The following SH3BP4 variants were observed in gnomAD, a reference collection of about 807,000 sequenced individuals.
SH3BP4 encodes the protein SH3 domain binding protein 4.
In SH3BP4, 33 loss-of-function variants were observed where a neutral mutation model predicts 65.5. The ratio of observed to expected loss-of-function variants is 0.50; its 90% CI spans 0.38 to 0.67. The LOEUF (loss-of-function observed/expected upper bound fraction) is 0.67, where lower values mean the gene tolerates loss of function less well. Among genes scored for constraint, SH3BP4 ranks in the 30% least tolerant of loss-of-function variants. The probability of loss-of-function intolerance (pLI) is 0.00; values close to 1 mark genes in which losing one functional copy is unlikely to be tolerated. For synonymous variants in SH3BP4, 552 were observed against 545.5 expected, an observed-to-expected ratio of 1.01 and a Z score of -0.17; for missense variants, 1,134 against 1,261.4, an observed-to-expected ratio of 0.90 and a Z score of 1.53.
At chr2:234,968,371 G>T (rs1215359923) in intron 1 of SH3BP4, among the ~76,000 whole-genome samples, 1 of 144,020 alleles carries the variant, frequency 6.9e-6, no homozygotes, top group Non-Finnish European at 1.5e-5. Flanking sequence ...ACTCAACAGA[G>T]TTGTTCTTTT....
intron 1 of SH3BP4, among the ~76,000 whole-genome samples, chr2:234,968,264 T>A (rs906907689): frequency 6.6e-6 from 1 of 152,024 alleles, no homozygotes; most frequent in Non-Finnish European, 1.5e-5. Context: ...TGTGTTTCCA[T>A]GAGGGGTTGC....
chr2:234,984,026 T>TA (rs1693470975), intron 1 of SH3BP4, among the ~76,000 whole-genome samples: 1 of 152,310 alleles, frequency 6.6e-6, no homozygotes, highest in African/African-American at 2.4e-5. Context: ...TTGAGGGAGT[T>TA]ACGTTTGAGC....
At position 234,978,535 on chromosome 2, in the gene SH3BP4, C is replaced by G. The variant is rs937841583; in HGVS notation, c.-206-16768C>G. 1.3e-5 allele frequency: 2 copies of G among 152,544 alleles called. No individual in the cohort carries two copies. The highest frequency in any genetic ancestry group is 4.8e-5 in the African/African-American group (2 of 41,476). The allele number at this position is 152,544 out of a possible 1,614,324, so 9.4% of individuals were successfully genotyped here. On this transcript the variant is annotated intron_variant, in intron 1 of 5. Coordinates refer to ENST00000392011, the MANE Select transcript of SH3BP4 (RefSeq NM_014521.3). This position sits in a 1 kb window ranked among gnomAD's most constrained non-coding sequence, Gnocchi z 4.1. ...TGAACTCTCCGGCTGGGCTCCTTTC[C>G]TGCTGCAGGTGCCGCGTCTCTTTCT...
At chr2:235,043,894 C>G (rs1695757930) in intron 4 of SH3BP4, among the ~76,000 whole-genome samples, 1 of 152,272 alleles carries the variant, frequency 6.6e-6, no homozygotes, top group South Asian at 2.1e-4. Flanking sequence ...CCAGACAACC[C>G]AAGGACCCTG....
In SH3BP4 at chr2:235,034,592, G is replaced by A. The variant is rs6431332; in HGVS notation, c.-132-279G>A. Reference sequence around the variant, plus strand: ...CTGGCCAGGTGCTGGAGCACATTTCGCAAACACCCTTACGCCCCTAAGAAG... The same window carrying A: ...CTGGCCAGGTGCTGGAGCACATTTCACAAACACCCTTACGCCCCTAAGAAG... On this transcript the variant is annotated intron_variant, in intron 2 of 5. Transcript: ENST00000392011. The surrounding 1 kb of genome is among the most constrained non-coding windows in gnomAD (Gnocchi z 6.2). Among the ~76,000 whole-genome samples, 15,393 of 152,256 alleles carry A rather than the reference G, an allele frequency of 0.1. 994 individuals carry two copies. Among genetic ancestry groups the A allele is most frequent in the African/African-American group, 0.18 (7,353 of 41,534 alleles).
At chr2:235,015,688 G>C (rs983109032) in intron 2 of SH3BP4, among the ~76,000 whole-genome samples, 13 of 152,214 alleles carry the variant, frequency 8.5e-5, no homozygotes, top group Non-Finnish European at 1.8e-4. Flanking sequence ...GCTGTGGGCA[G>C]GTTCTTGAAG....
intron 2 of SH3BP4, among the ~76,000 whole-genome samples, chr2:235,020,722 T>A (rs2106308978): frequency 6.6e-6 from 1 of 152,342 alleles, no homozygotes; most frequent in African/African-American, 2.4e-5. Context: ...AGTGCTGGTG[T>A]TACCCAACAG....
intron 1 of SH3BP4, among the ~76,000 whole-genome samples, chr2:234,955,781 A>G (rs1692572128): frequency 6.6e-6 from 1 of 152,196 alleles, no homozygotes; most frequent in Non-Finnish European, 1.5e-5. Flanking sequence ...CCACTCGTTG[A>G]GGGCTTACCA....
chr2:235,028,877 A>T (rs1403232415), intron 2 of SH3BP4, among the ~76,000 whole-genome samples: 2 of 152,092 alleles, frequency 1.3e-5, no homozygotes, highest in Non-Finnish European at 2.9e-5. Context: ...TACCTGGGGA[A>T]CTTCATGGAG....
At position 235,042,742 on chromosome 2, in the gene SH3BP4, T is replaced by C. The variant is rs1355804013; in HGVS notation, c.1973T>C (p.Phe658Ser). 3.7e-6 allele frequency: 6 copies of C among 1,613,926 alleles called. No homozygotes were observed. Among genetic ancestry groups the C allele is most frequent in the Non-Finnish European group, 5.1e-6 (6 of 1,180,028 alleles). ...FQDRPVSSLK[F>S]GKLLKTVVRQ... ...GACCGCCCGGTGTCCAGCCTCAAGT[T>C]TGGTAAGTTGCTCAAGACTGTGGTG... Residue 658 changes from phenylalanine (F) to serine (S), a missense_variant, in exon 4 of 6, where the codon TTT becomes TCT. Transcript: ENST00000392011. This position sits in a 1 kb window ranked among gnomAD's most constrained non-coding sequence, Gnocchi z 7.3.
rs142624506 is a variant in SH3BP4, at chr2:234,980,886, T to C, written c.-206-14417T>C. Among the ~76,000 whole-genome samples, 822 of 152,102 alleles carry C rather than the reference T, an allele frequency of 5.4e-3. 9 individuals carry two copies. The highest frequency in any genetic ancestry group is 0.019 in the African/African-American group (799 of 41,466). On this transcript the variant is annotated intron_variant, in intron 1 of 5. Transcript: ENST00000392011. Reference sequence around the variant, plus strand: ...CGTTTTTCTTACTGAATTGTAGGAGTGCTTTTCGTTTTTGTTTTTTTGAGA... The same window carrying C: ...CGTTTTTCTTACTGAATTGTAGGAGCGCTTTTCGTTTTTGTTTTTTTGAGA...
chr2:235,047,733 A>C (rs1421231843), intron 4 of SH3BP4, among the ~76,000 whole-genome samples: 1 of 152,170 alleles, frequency 6.6e-6, no homozygotes, highest in African/African-American at 2.4e-5. Flanking sequence ...GTGAGCTGTC[A>C]CAACTGGTCC....
At chr2:235,029,826 A>T (rs1359419166) in intron 2 of SH3BP4, among the ~76,000 whole-genome samples, 1 of 152,150 alleles carries the variant, frequency 6.6e-6, no homozygotes, top group Non-Finnish European at 1.5e-5. Context: ...GCTCTGGGCT[A>T]CCTGTGCTCC....
chr2:235,032,844 G>A (rs1177248320), intron 2 of SH3BP4, among the ~76,000 whole-genome samples: 2 of 152,152 alleles, frequency 1.3e-5, no homozygotes, highest in Non-Finnish European at 2.9e-5. Context: ...AGGGCGTCCG[G>A]GGTTCTCCCC....
At chr2:234,957,942 C>A (rs552261295) in intron 1 of SH3BP4, among the ~76,000 whole-genome samples, 3 of 152,094 alleles carry the variant, frequency 2.0e-5, no homozygotes, top group Non-Finnish European at 4.4e-5. Context: ...CATCTTCCCC[C>A]CAACAGGTCT....
chr2:235,042,248 C>G lies in SH3BP4; in HGVS notation c.1479C>G (p.Thr493=). 1.9e-6 allele frequency: 3 copies of G among 1,614,098 alleles called. No homozygotes were observed. Among genetic ancestry groups the G allele is most frequent in the Non-Finnish European group, 2.5e-6 (3 of 1,180,026 alleles). The change falls in exon 4 of 6, where the codon ACC becomes ACG. Residue 493 remains threonine, a synonymous_variant. Coordinates refer to ENST00000392011, the MANE Select transcript of SH3BP4 (RefSeq NM_014521.3). The surrounding 1 kb of genome is among the most constrained non-coding windows in gnomAD (Gnocchi z 7.3). ...HIHPSFKTVV[T]IFGHDCAPKT... is the part of the protein sequence containing the mutation. ...ACCCATCCTTCAAGACGGTAGTGAC[C>G]ATTTTTGGGCATGACTGTGCCCCAA...
intron 2 of SH3BP4, among the ~76,000 whole-genome samples, chr2:234,999,459 C>T (rs1694030389): frequency 6.6e-6 from 1 of 152,172 alleles, no homozygotes; most frequent in Non-Finnish European, 1.5e-5. Context: ...GGAATTGTCC[C>T]CCACCCTGTT....
At chr2:234,953,399 C>G (rs138538030) in intron 1 of SH3BP4, among the ~76,000 whole-genome samples, 1 of 152,128 alleles carries the variant, frequency 6.6e-6, no homozygotes, top group Non-Finnish European at 1.5e-5. Context: ...CCCTTGTGAC[C>G]GTCTCTGAGC....
At position 235,041,757 on chromosome 2, in the gene SH3BP4, G is replaced by T; in HGVS notation, c.988G>T (p.Val330Phe). Residue 330 changes from valine (V) to phenylalanine (F), a missense_variant, in exon 4 of 6, where the codon GTC becomes TTC. Val to Phe is a conservative substitution (Grantham distance 50, BLOSUM62 -1). Coordinates refer to ENST00000392011, the MANE Select transcript of SH3BP4 (RefSeq NM_014521.3). This position sits in a 1 kb window ranked among gnomAD's most constrained non-coding sequence, Gnocchi z 6.0. ...CAAGCTGGATAGCTCCGGGGGTGCTGTCCAGCTTCCTGACACCAGCATCAG... is the reference window on the plus strand; with the variant it reads ...CAAGCTGGATAGCTCCGGGGGTGCTTTCCAGCTTCCTGACACCAGCATCAG... ...VCKLDSSGGA[V>F]QLPDTSISIH... 1 of 1,603,382 alleles carries T rather than the reference G, an allele frequency of 6.2e-7. No individual in the cohort carries two copies. The highest frequency in any genetic ancestry group is 8.5e-7 in the Non-Finnish European group (1 of 1,173,174).
Sources: gnomAD v4.1 joint callset for allele counts (sites outside exome capture counted in the v4.1 genomes callset) on GRCh38, gnomAD v4.1.1 for gene constraint, Gnocchi (gnomAD v3.1) non-coding constraint, MANE v1.5 for transcripts, NCBI Gene and HGNC (gene_info 2026-07-23, HGNC 2026-07-21) for gene names.